GLDN: variants seen among roughly 807,000 people sequenced by gnomAD.
GLDN encodes gliomedin, also known as collomin.
Under a neutral mutation model 56.5 loss-of-function variants are expected in GLDN, and 47 were observed. That is an observed-to-expected ratio of 0.83 (90% CI 0.66 to 1.06). The LOEUF is 1.06. Ranked by LOEUF, GLDN falls within the 50% of genes least tolerant of loss-of-function variation. The pLI is 0.00. For synonymous variants in GLDN, 332 were observed against 278.8 expected, an observed-to-expected ratio of 1.19 and a Z score of -1.90; for missense variants, 782 against 714.3, an observed-to-expected ratio of 1.09 and a Z score of -1.08.
chr15:51,386,329 G>A (rs543873255), intron 4 of GLDN, among the ~76,000 whole-genome samples: 254 of 152,246 alleles, frequency 1.7e-3, no homozygotes, highest in Non-Finnish European at 3.1e-3. Flanking sequence ...CGATGGGATC[G>A]CTCACTTCAT....
chr15:51,396,029 C>T (rs572724131), intron 5 of GLDN, among the ~76,000 whole-genome samples: 1 of 152,274 alleles, frequency 6.6e-6, no homozygotes, highest in Admixed American at 6.5e-5. Flanking sequence ...GGCTCTGCCT[C>T]CATGATCCAA....
intron 4 of GLDN, 88 bp downstream of exon 4, chr15:51,383,980 T>A: frequency 9.9e-7 from 1 of 1,010,462 alleles, no homozygotes; most frequent in South Asian, 1.4e-5. Flanking sequence ...GCAGCAGGGG[T>A]AAGGTGTTTC....
chr15:51,344,045 C>T (rs1000164655), intron 1 of GLDN, among the ~76,000 whole-genome samples: 3 of 152,214 alleles, frequency 2.0e-5, no homozygotes, highest in Non-Finnish European at 2.9e-5. Flanking sequence ...TATGCAGATT[C>T]TGATTCAGAT....
chr15:51,362,637 A>G (rs905310247), intron 1 of GLDN, among the ~76,000 whole-genome samples: 4 of 152,146 alleles, frequency 2.6e-5, no homozygotes, highest in Admixed American at 2.6e-4. Flanking sequence ...GGTTTGGGGA[A>G]GAAGAGTGAC....
chr15:51,377,232 C>T (rs1445980365), intron 1 of GLDN: 1 of 559,792 alleles, frequency 1.8e-6, no homozygotes, highest in Non-Finnish European at 3.2e-6. Context: ...ATGAGGTTTG[C>T]AGCTCCATTG....
Position 51,394,972 on chromosome 15 carries a change from C to A in GLDN, c.679C>A (p.Leu227Ile), listed in dbSNP as rs1359075666. 1.3e-6 allele frequency: 2 copies of A among 1,598,924 alleles called. No homozygotes were observed. Among genetic ancestry groups the A allele is most frequent in the Non-Finnish European group, 1.7e-6 (2 of 1,174,362 alleles). The change falls in exon 5 of 10, where the codon CTC becomes ATC. Residue 227 changes from leucine to isoleucine, a missense_variant. Transcript: ENST00000335449. ...GDKGDVSNDV[L>I]LAGAKGDQGP... ...CAAAGGAGATGTGTCCAACGACGTG[C>A]TCCTGGCAGGTAAGAGGGGTACGCT...
intron 1 of GLDN, among the ~76,000 whole-genome samples, chr15:51,344,727 G>C (rs1241168567): frequency 1.3e-5 from 2 of 152,140 alleles, no homozygotes; most frequent in Non-Finnish European, 2.9e-5. Flanking sequence ...ATTTCAAAAA[G>C]CCTTCCAGAA....
At chr15:51,374,502 T>G (rs902110999) in intron 1 of GLDN, among the ~76,000 whole-genome samples, 2 of 152,138 alleles carry the variant, frequency 1.3e-5, no homozygotes, top group African/African-American at 4.8e-5. Flanking sequence ...TCAGTCCCAT[T>G]TCTTCTACCA....
chr15:51,368,062 G>T (rs775778406), intron 1 of GLDN, among the ~76,000 whole-genome samples: 5 of 152,166 alleles, frequency 3.3e-5, no homozygotes, highest in Admixed American at 3.3e-4. Flanking sequence ...ATCCCCATGA[G>T]AGATTTTCAG....
At chr15:51,373,300 G>C (rs570796741) in intron 1 of GLDN, among the ~76,000 whole-genome samples, 1 of 152,168 alleles carries the variant, frequency 6.6e-6, no homozygotes, top group Non-Finnish European at 1.5e-5. Flanking sequence ...AGTTCCTGAC[G>C]CTGGTCTTGT....
intron 5 of GLDN, among the ~76,000 whole-genome samples, chr15:51,395,292 A>T (rs1275976695): frequency 5.9e-5 from 9 of 152,234 alleles, no homozygotes. Context: ...AAGACAAGTA[A>T]GCAGGCAACT....
chr15:51,408,425 C>T (rs1038378815), downstream of GLDN, among the ~76,000 whole-genome samples: 8 of 152,210 alleles, frequency 5.3e-5, no homozygotes, highest in African/African-American at 1.9e-4. Context: ...ATAGTATTTA[C>T]TTCCTTTGGT....
At chr15:51,357,532 A>C (rs1218514010) in intron 1 of GLDN, among the ~76,000 whole-genome samples, 1 of 152,164 alleles carries the variant, frequency 6.6e-6, no homozygotes, top group Non-Finnish European at 1.5e-5. Flanking sequence ...CACAGGTGTG[A>C]GGCTTTCTGG....
intron 1 of GLDN, among the ~76,000 whole-genome samples, chr15:51,356,637 A>G (rs1017459573): frequency 6.6e-6 from 1 of 152,148 alleles, no homozygotes; most frequent in Non-Finnish European, 1.5e-5. Flanking sequence ...TCATACTGTG[A>G]GTTCACTTGT....
chr15:51,396,101 G>C (rs1256927028), intron 5 of GLDN, among the ~76,000 whole-genome samples: 1 of 152,092 alleles, frequency 6.6e-6, no homozygotes. Flanking sequence ...GATTTGGGTG[G>C]GATATCCACA....
At chr15:51,365,822 C>G (rs925556203) in intron 1 of GLDN, among the ~76,000 whole-genome samples, 6 of 152,150 alleles carry the variant, frequency 3.9e-5, no homozygotes, top group Non-Finnish European at 8.8e-5. Flanking sequence ...TTCTTTCCTA[C>G]CTCAAGATCT....
intron 1 of GLDN, among the ~76,000 whole-genome samples, chr15:51,352,325 T>G (rs1042149451): frequency 6.6e-6 from 1 of 152,194 alleles, no homozygotes; most frequent in Admixed American, 6.5e-5. Context: ...AGGCTTTCCC[T>G]TCATGACCTA....
At position 51,407,304 on chromosome 15, in the gene GLDN, T is replaced by C. The variant is rs1293572264; in HGVS notation, c.*2550T>C. 2 of 152,344 alleles carry C rather than the reference T, an allele frequency of 1.3e-5. No homozygotes were observed. Among genetic ancestry groups the C allele is most frequent in the Middle Eastern group, 3.4e-3 (1 of 294 alleles). 9.4% of individuals were successfully genotyped at this position (152,344 alleles called of 1,614,324 possible). On this transcript the variant is annotated 3_prime_UTR_variant, in exon 10 of 10. Coordinates refer to ENST00000335449, the MANE Select transcript of GLDN (RefSeq NM_181789.4). ...TTTATTCTTTCTTGTAAACATTACT[T>C]GATTTTTTAAAGAAGTTTTGGGCTC...
intron 1 of GLDN, among the ~76,000 whole-genome samples, chr15:51,360,890 C>T (rs767019285): frequency 1.3e-5 from 2 of 152,202 alleles, no homozygotes; most frequent in Non-Finnish European, 2.9e-5. Flanking sequence ...AACACTCTTA[C>T]AGATGTTTTT....
Sources: gnomAD v4.1 joint callset for allele counts (sites outside exome capture counted in the v4.1 genomes callset) on GRCh38, gnomAD v4.1.1 for gene constraint, MANE v1.5 for transcripts, NCBI Gene and HGNC (gene_info 2026-07-23, HGNC 2026-07-21) for gene names.